The following IRF2 variants were observed in gnomAD, a reference collection of about 807,000 sequenced individuals.
IRF2 encodes the protein interferon regulatory factor 2.
A neutral mutation model predicts 40.6 loss-of-function variants in IRF2; 15 were observed. The ratio of observed to expected loss-of-function variants is 0.37; its 90% CI spans 0.25 to 0.57. The LOEUF (loss-of-function observed/expected upper bound fraction) is 0.57, where lower values mean the gene tolerates loss of function less well. Ranked by LOEUF, IRF2 falls within the 20% of genes least tolerant of loss-of-function variation. The pLI is 0.77. For synonymous variants in IRF2, 151 were observed against 165.5 expected (o/e 0.91, Z 0.67); for missense variants, 317 against 455.7 (o/e 0.70, Z 2.77).
At chr4:184,461,729 C>A (rs1314750422) in intron 1 of IRF2, among the ~76,000 whole-genome samples, 1 of 133,874 alleles carries the variant, frequency 7.5e-6, no homozygotes, top group Non-Finnish European at 1.6e-5. Context: ...TCCCAAACTG[C>A]GAGGACTTTC....
At chr4:184,438,121 A>G (rs1158756715) in intron 1 of IRF2, among the ~76,000 whole-genome samples, 2 of 152,208 alleles carry the variant, frequency 1.3e-5, no homozygotes, top group Non-Finnish European at 2.9e-5. Flanking sequence ...AATGCCTTTC[A>G]TGCGTTATTT....
intron 2 of IRF2, among the ~76,000 whole-genome samples, chr4:184,424,244 T>C (rs1737588283): frequency 6.6e-6 from 1 of 152,216 alleles, no homozygotes; most frequent in Admixed American, 6.5e-5. Flanking sequence ...ATGAGCTGGT[T>C]ATAATGCACT....
Position 184,408,809 on chromosome 4 carries a change from G to A in IRF2, c.412-534C>T, listed in dbSNP as rs140289140. 7.5e-4 allele frequency among the ~76,000 whole-genome samples: 115 copies of A among 152,332 alleles called. No individual in the cohort carries two copies. Among genetic ancestry groups the A allele is most frequent in the Non-Finnish European group, 1.4e-3 (94 of 68,040 alleles). Reference sequence around the variant, plus strand: ...TTGCCATGGCCTCTGGCCACCTGAGGCCCTGCATTGGATGGCTGGCTGATC... The same window carrying A: ...TTGCCATGGCCTCTGGCCACCTGAGACCCTGCATTGGATGGCTGGCTGATC... On this transcript the variant is annotated intron_variant, in intron 5 of 8. Transcript: ENST00000393593. The surrounding 1 kb of genome is among the most constrained non-coding windows in gnomAD (Gnocchi z 4.9).
At chr4:184,407,279 C>A (rs1736893653) in intron 6 of IRF2, 2 of 1,258,994 alleles carry the variant, frequency 1.6e-6, no homozygotes, top group African/African-American at 3.1e-5. Flanking sequence ...AACAAAAATT[C>A]AATGCTGAAA....
rs536465947 is a variant in IRF2 at position 184,391,081 on chromosome 4, C to T, written c.695-332G>A. 3.9e-5 allele frequency among the ~76,000 whole-genome samples: 6 copies of T among 152,352 alleles called. No individual in the cohort carries two copies. The South Asian group carries it at 1.2e-3, about 32-fold the overall frequency. ...CCCACATGGGTCCTGTCTTTCAATC[C>T]ATGCCAACCAATTCATTTAATTCCC... On this transcript the variant is annotated intron_variant, in intron 7 of 8. Coordinates refer to ENST00000393593, the MANE Select transcript of IRF2 (RefSeq NM_002199.4).
At chr4:184,395,049 C>T (rs79362288) in intron 7 of IRF2, among the ~76,000 whole-genome samples, 1,964 of 152,168 alleles carry the variant, frequency 0.013, 52 homozygotes, top group African/African-American at 0.045. Context: ...TATGATTCAA[C>T]GATCAGTAGG....
rs569376143 is a variant in IRF2, at chr4:184,470,120, AG to A, written c.-7+4258del. ...CACTGATTACACTCAGGCCAAACAC[AG>A]GGGGCCGACGGGGCAGGCAGAGACC... is the stretch of plus-strand genomic sequence containing the variant. On this transcript the variant is annotated intron_variant, in intron 1 of 8. Transcript: ENST00000393593. 1.4e-3 allele frequency among the ~76,000 whole-genome samples: 209 copies of A among 152,302 alleles called. 1 individual carries two copies. The highest frequency in any genetic ancestry group is 4.7e-3 in the African/African-American group (194 of 41,572).
At chr4:184,394,631 A>G (rs1422594246) in intron 7 of IRF2, among the ~76,000 whole-genome samples, 1 of 152,032 alleles carries the variant, frequency 6.6e-6, no homozygotes, top group East Asian at 1.9e-4. Flanking sequence ...TCAGCAGGCG[A>G]TCTCCACTCT....
intron 1 of IRF2, among the ~76,000 whole-genome samples, chr4:184,438,597 G>A (rs1163795738): frequency 1.3e-5 from 2 of 152,144 alleles, no homozygotes; most frequent in Non-Finnish European, 2.9e-5. Context: ...AGAGAGGGAG[G>A]GGGCACTGTG....
intron 1 of IRF2, among the ~76,000 whole-genome samples, chr4:184,440,941 T>C (rs1738282370): frequency 1.3e-5 from 2 of 152,170 alleles, no homozygotes; most frequent in Non-Finnish European, 2.9e-5. Context: ...GCTGGGCTAC[T>C]AGCTGTGCGA....
chr4:184,458,447 A>C (rs963610621), intron 1 of IRF2, among the ~76,000 whole-genome samples: 9 of 152,200 alleles, frequency 5.9e-5, no homozygotes, highest in Non-Finnish European at 1.5e-5. Context: ...CTGCTGAAGG[A>C]ATGACTTCCT....
chr4:184,442,675 T>G (rs7657540), intron 1 of IRF2, among the ~76,000 whole-genome samples: 6,564 of 151,764 alleles, frequency 0.043, 186 homozygotes, highest in African/African-American at 0.073. Flanking sequence ...GCCGTTTCAG[T>G]GCATATGAAG....
At chr4:184,437,935 A>ATGCAAGTTCCTCC (rs1331978916) in intron 1 of IRF2, among the ~76,000 whole-genome samples, 2 of 152,128 alleles carry the variant, frequency 1.3e-5, no homozygotes, top group Admixed American at 1.3e-4. Context: ...CTTTTCCCAA[A>ATGCAAGTTCCTCC]TGCAAGTTCC....
chr4:184,399,777 CA>C (rs1482109825), intron 6 of IRF2, among the ~76,000 whole-genome samples: 1 of 152,224 alleles, frequency 6.6e-6, no homozygotes, highest in Non-Finnish European at 1.5e-5. Context: ...TTCTGGCAAA[CA>C]TTAGTAGCAT....
At position 184,448,775 on chromosome 4, in the gene IRF2, GC is replaced by G. The variant is rs1160005087; in HGVS notation, c.-6-19706del. ...TGCAGGACACTTCAGGGTTCCCAGCGCCCCAAATCTGGCATTCCCAGAATAG... is the reference window on the plus strand; with the variant it reads ...TGCAGGACACTTCAGGGTTCCCAGCGCCCAAATCTGGCATTCCCAGAATAG... On this transcript the variant is annotated intron_variant, in intron 1 of 8. Transcript: ENST00000393593. This position sits in a 1 kb window ranked among gnomAD's most constrained non-coding sequence, Gnocchi z 4.3. 1 of 152,128 alleles carries G rather than the reference GC, an allele frequency of 6.6e-6. No homozygotes were observed. 9.4% of individuals were successfully genotyped at this position (152,128 alleles called of 1,614,324 possible). A position where few individuals can be genotyped will look rare whatever the true frequency, so the allele number is the denominator to read the frequency against.
intron 2 of IRF2, 82 bp downstream of exon 2, chr4:184,428,896 C>G (rs888200047): frequency 1.9e-5 from 20 of 1,080,244 alleles, no homozygotes; most frequent in Non-Finnish European, 2.7e-5. Context: ...TTTGAATACA[C>G]ACGATTTTAC....
intron 6 of IRF2, among the ~76,000 whole-genome samples, chr4:184,400,750 G>A (rs1335410470): frequency 6.6e-6 from 1 of 151,984 alleles, no homozygotes; most frequent in Non-Finnish European, 1.5e-5. Context: ...TATTTATTTT[G>A]GCCATTCTCA....
In IRF2 at chr4:184,408,177, A is replaced by G. The variant is rs573639642; in HGVS notation, c.510T>C (p.Asp170=). Reference sequence around the variant, plus strand: ...GTTTACCTATGATGTTCACCGTACTATCCACTTCATTTTTTATAGTTGAAG... The same window carrying G: ...GTTTACCTATGATGTTCACCGTACTGTCCACTTCATTTTTTATAGTTGAAG... ...VLTSTIKNEV[D]STVNIIVVGQ... The change falls in exon 6 of 9, where the codon GAT becomes GAC. Residue 170 remains aspartate (D), a synonymous_variant. Transcript: ENST00000393593. This position sits in a 1 kb window ranked among gnomAD's most constrained non-coding sequence, Gnocchi z 4.9. 2.5e-6 allele frequency: 4 copies of G among 1,600,092 alleles called. 1 individual carries two copies. In the South Asian group the frequency reaches 3.3e-5, roughly 13 times the overall value.
At chr4:184,441,809 T>C (rs527362853) in intron 1 of IRF2, among the ~76,000 whole-genome samples, 30 of 152,342 alleles carry the variant, frequency 2.0e-4, no homozygotes, top group African/African-American at 6.7e-4. Flanking sequence ...TGGGTACTAC[T>C]GTGGTCCCCA....
Sources: allele counts gnomAD v4.1 joint callset (sites outside exome capture counted in the v4.1 genomes callset), GRCh38; gene constraint gnomAD v4.1.1; non-coding constraint Gnocchi (gnomAD v3.1); transcripts MANE v1.5; gene names NCBI Gene and HGNC (gene_info 2026-07-23, HGNC 2026-07-21).